Variants in SCARA5 observed in about 807,000 individuals in gnomAD.
The protein encoded by SCARA5 is scavenger receptor class A member 5.
In SCARA5, 45 loss-of-function variants were observed where a neutral mutation model predicts 46.3. The ratio of observed to expected loss-of-function variants is 0.97; its 90% CI spans 0.76 to 1.24. The LOEUF (loss-of-function observed/expected upper bound fraction) is 1.24, where lower values mean the gene tolerates loss of function less well. SCARA5 is among the 50% of genes most tolerant of loss of function. The pLI, the probability that SCARA5 is intolerant of heterozygous loss-of-function variation, is 0.00. For synonymous variants in SCARA5, 333 were observed against 306.5 expected, an observed-to-expected ratio of 1.09 and a Z score of -0.90; for missense variants, 680 against 689.0, an observed-to-expected ratio of 0.99 and a Z score of 0.15.
intron 2 of SCARA5, among the ~76,000 whole-genome samples, chr8:27,971,113 A>G: frequency 6.6e-6 from 1 of 152,240 alleles, no homozygotes; most frequent in East Asian, 1.9e-4. Flanking sequence ...GCAGATGCTC[A>G]AAATATTTGT....
In SCARA5 at chr8:27,987,535, C is replaced by T; in HGVS notation, c.81G>A (p.Arg27=). ...CACACAGGTTCAGCTTGGACAGGCT[C>T]CTGCCATCAAAGGAATCCTCACAGA... ...SSICEDSFDG[R]SLSKLNLCED... The change falls in exon 2 of 9, where the codon AGG becomes AGA. Residue 27 remains arginine (R), a synonymous_variant. Coordinates refer to ENST00000354914, the MANE Select transcript of SCARA5 (RefSeq NM_173833.6). 5.0e-6 allele frequency: 8 copies of T among 1,613,950 alleles called. No individual in the cohort carries two copies. Among genetic ancestry groups the T allele is most frequent in the Non-Finnish European group, 6.8e-6 (8 of 1,179,892 alleles).
chr8:27,903,900 G>A lies in SCARA5; in HGVS notation c.1153+878C>T, dbSNP rs551023659. On this transcript the variant is annotated intron_variant, in intron 7 of 8. Coordinates refer to ENST00000354914, the MANE Select transcript of SCARA5 (RefSeq NM_173833.6). ...CCAGAGGCAGTGATATTCTGCTTGC[G>A]CCCTCACGTGGGACAGAGCCAACTA... Among the ~76,000 whole-genome samples, 7 of 152,234 alleles carry A rather than the reference G, an allele frequency of 4.6e-5. No homozygotes were observed. In the East Asian group the frequency reaches 5.8e-4, roughly 13 times the overall value.
In SCARA5 at chr8:27,922,232, GC is replaced by G. The variant is rs779319652; in HGVS notation, c.254del (p.Arg85ProfsTer7). On this transcript the variant is annotated frameshift_variant, in exon 4 of 9. Coordinates refer to ENST00000354914, the MANE Select transcript of SCARA5 (RefSeq NM_173833.6). LOFTEE classifies it high-confidence loss of function. ...GIFILAVSRPRSSPDDLKALT... is the reference protein window; with the variant it reads ...GIFILAVSRPXSSPDDLKALT... ...GGGCCTTCAGGTCGTCAGGGGAGCT[GC>G]GCGGCCTGGACACTGCGGAGGAGGA... 6.4e-7 allele frequency: 1 copy of G among 1,567,428 alleles called. No individual in the cohort carries two copies. The highest frequency in any genetic ancestry group is 8.7e-7 in the Non-Finnish European group (1 of 1,155,402).
At chr8:27,907,572 CTTTTTTTTT>C (rs144977060) in intron 5 of SCARA5, among the ~76,000 whole-genome samples, 3 of 97,276 alleles carry the variant, frequency 3.1e-5, no homozygotes, top group Admixed American at 2.2e-4. Flanking sequence ...TCAGCAAACA[CTTTTTTTTT>C]TTTTTTTTTT....
intron 7 of SCARA5, among the ~76,000 whole-genome samples, chr8:27,892,064 G>A (rs1806992841): frequency 6.6e-6 from 1 of 152,222 alleles, no homozygotes; most frequent in South Asian, 2.1e-4. Context: ...TTCTGTCCCA[G>A]CCTCTCTGAT....
chr8:27,943,460 A>G (rs1208523717), intron 3 of SCARA5, among the ~76,000 whole-genome samples: 1 of 152,222 alleles, frequency 6.6e-6, no homozygotes, highest in African/African-American at 2.4e-5. Context: ...CTTTATTGCC[A>G]AAGTCATTCT....
chr8:27,982,156 AT>A (rs1194054282), intron 2 of SCARA5, among the ~76,000 whole-genome samples: 1 of 152,052 alleles, frequency 6.6e-6, no homozygotes, highest in African/African-American at 2.4e-5. Flanking sequence ...GCGGCCATGG[AT>A]GACGCCACGA....
intron 7 of SCARA5, among the ~76,000 whole-genome samples, chr8:27,887,317 C>T (rs1424216381): frequency 1.3e-5 from 2 of 152,106 alleles, no homozygotes; most frequent in Admixed American, 6.5e-5. Context: ...TGATTTGCAC[C>T]CCTCAGGTGA....
At chr8:27,977,324 GC>G (rs568057067) in intron 2 of SCARA5, among the ~76,000 whole-genome samples, 13 of 151,922 alleles carry the variant, frequency 8.6e-5, no homozygotes, top group Non-Finnish European at 1.8e-4. Context: ...GACTCCCCAG[GC>G]CCCCCCATCA....
At chr8:27,985,646 G>T (rs1808694647) in intron 2 of SCARA5, among the ~76,000 whole-genome samples, 1 of 152,066 alleles carries the variant, frequency 6.6e-6, no homozygotes, top group Admixed American at 6.6e-5. Flanking sequence ...CCCACAGAGG[G>T]TCACATACCC....
intron 4 of SCARA5, among the ~76,000 whole-genome samples, chr8:27,916,706 T>C (rs1807466737): frequency 6.6e-6 from 1 of 152,104 alleles, no homozygotes; most frequent in South Asian, 2.1e-4. Context: ...TTTTTAATAA[T>C]AATTACCAGG....
At chr8:27,978,874 T>C (rs1277869782) in intron 2 of SCARA5, among the ~76,000 whole-genome samples, 1 of 152,050 alleles carries the variant, frequency 6.6e-6, no homozygotes, top group Non-Finnish European at 1.5e-5. Context: ...CCACAGACCA[T>C]GCATCCCACT....
At chr8:27,913,787 C>A (rs116756454) in intron 4 of SCARA5, among the ~76,000 whole-genome samples, 2,011 of 152,322 alleles carry the variant, frequency 0.013, 52 homozygotes, top group African/African-American at 0.046. Flanking sequence ...CTTCCCCTGT[C>A]AAGGCCCCTG....
intron 4 of SCARA5, among the ~76,000 whole-genome samples, chr8:27,910,819 C>T (rs1378460163): frequency 6.6e-6 from 1 of 152,198 alleles, no homozygotes; most frequent in African/African-American, 2.4e-5. Context: ...AGAGGGGTTT[C>T]TAATCTCTCC....
At chr8:27,972,914 G>T (rs900009824) in intron 2 of SCARA5, among the ~76,000 whole-genome samples, 5 of 152,098 alleles carry the variant, frequency 3.3e-5, no homozygotes. Flanking sequence ...AAGTACCACT[G>T]AAAGAACCAT....
intron 4 of SCARA5, among the ~76,000 whole-genome samples, chr8:27,917,267 T>C (rs956729053): frequency 6.6e-6 from 1 of 152,094 alleles, no homozygotes; most frequent in Non-Finnish European, 1.5e-5. Context: ...GTGTAAAACT[T>C]AGTTTGAGGA....
intron 3 of SCARA5, among the ~76,000 whole-genome samples, chr8:27,964,069 C>G (rs1808332283): frequency 6.6e-6 from 1 of 152,276 alleles, no homozygotes; most frequent in East Asian, 1.9e-4. Flanking sequence ...CTCCCCTGAC[C>G]CCTGATCTTG....
At chr8:27,935,375 G>T (rs1423678805) in intron 3 of SCARA5, among the ~76,000 whole-genome samples, 2 of 152,104 alleles carry the variant, frequency 1.3e-5, no homozygotes, top group African/African-American at 4.8e-5. Flanking sequence ...GCCAACAGGG[G>T]GGTTAGCAAG....
intron 3 of SCARA5, among the ~76,000 whole-genome samples, chr8:27,923,210 C>A (rs1431490666): frequency 6.6e-6 from 1 of 152,208 alleles, no homozygotes; most frequent in Non-Finnish European, 1.5e-5. Flanking sequence ...AGGAAGAGCA[C>A]CCCGGCAGCA....
Sources: allele counts gnomAD v4.1 joint callset (sites outside exome capture counted in the v4.1 genomes callset), GRCh38; gene constraint gnomAD v4.1.1; transcripts MANE v1.5; gene names NCBI Gene and HGNC (gene_info 2026-07-23, HGNC 2026-07-21).